Variants in WDR43 observed in about 807,000 individuals in gnomAD.
WDR43 encodes the protein WD repeat-containing protein 43.
WDR43 carries 13 observed loss-of-function variants against 91.4 expected under a neutral mutation model. That is an observed-to-expected ratio of 0.14 (90% confidence interval 0.09 to 0.23). The LOEUF (loss-of-function observed/expected upper bound fraction) is 0.23, where lower values mean the gene tolerates loss of function less well. WDR43 is among the 10% of genes least tolerant of loss of function. The pLI, the probability that WDR43 is intolerant of heterozygous loss-of-function variation, is 1.00. For missense variants in WDR43, 780 were observed against 809.4 expected (o/e 0.96, Z 0.44); for synonymous variants, 331 against 287.9 (o/e 1.15, Z -1.51).
intron 7 of WDR43, among the ~76,000 whole-genome samples, chr2:28,924,619 T>G (rs1424424214): frequency 6.6e-6 from 1 of 151,992 alleles, no homozygotes; most frequent in Non-Finnish European, 1.5e-5. Flanking sequence ...CTGAGGCTTT[T>G]GGGGGTTGGG....
chr2:28,921,241 C>T (rs1235232400), intron 6 of WDR43, among the ~76,000 whole-genome samples: 1 of 151,686 alleles, frequency 6.6e-6, no homozygotes, highest in East Asian at 1.9e-4. Flanking sequence ...GATTCTCCTG[C>T]CTCAGCCTCC....
chr2:28,932,259 G>T (rs1234707601), intron 11 of WDR43, among the ~76,000 whole-genome samples: 1 of 151,962 alleles, frequency 6.6e-6, no homozygotes, highest in East Asian at 1.9e-4. Context: ...TGCCTCCCAG[G>T]TTCAAGCGAT....
At position 28,920,643 on chromosome 2, in the gene WDR43, A is replaced by G. The variant is rs1050499859; in HGVS notation, c.850-2276A>G. On this transcript the variant is annotated intron_variant, in intron 6 of 17. Coordinates refer to ENST00000407426, the MANE Select transcript of WDR43 (RefSeq NM_015131.3). ...TTTCCTTGGAGTAGCAAAACTTGCC[A>G]CTAGTCTATGTAGAGAATAGACTGA... 2.6e-5 allele frequency among the ~76,000 whole-genome samples: 4 copies of G among 152,098 alleles called. No individual in the cohort carries two copies. In the East Asian group the frequency reaches 7.7e-4, roughly 29 times the overall value.
chr2:28,929,646 A>C lies in WDR43; in HGVS notation c.1373A>C (p.Gln458Pro), dbSNP rs755452345. The C allele has an allele frequency of 6.2e-7, 1 of 1,613,908 alleles. No homozygotes were observed. Among genetic ancestry groups the C allele is most frequent in the Non-Finnish European group, 8.5e-7 (1 of 1,179,814 alleles). The change falls in exon 11 of 18, where the codon CAG becomes CCG. Residue 458 changes from glutamine (Q) to proline (P), a missense_variant. Physicochemically the swap from Gln to Pro is moderately conservative, Grantham distance 76 (BLOSUM62 -1). Coordinates refer to ENST00000407426, the MANE Select transcript of WDR43 (RefSeq NM_015131.3). Reference protein sequence around the residue: ...DTHKKGKEDLQTNSFPVLLTQ... With the variant: ...DTHKKGKEDLPTNSFPVLLTQ... ...CACAAAAAAGGAAAGGAAGACCTCC[A>C]GACGAATAGCTTTCCAGTTCTTCTT...
In WDR43 at chr2:28,938,064, A is replaced by G. The variant is rs557911354; in HGVS notation, c.1620+70A>G. The G allele has an allele frequency of 1.1e-5, 17 of 1,517,970 alleles. No individual in the cohort carries two copies. Among genetic ancestry groups the G allele is most frequent in the Middle Eastern group, 1.7e-4 (1 of 5,862 alleles). The allele number at this position is 1,517,970 out of a possible 1,614,324, so 94.0% of individuals were successfully genotyped here. A position where few individuals can be genotyped will look rare whatever the true frequency, so the allele number is the denominator to read the frequency against. Reference sequence around the variant, plus strand: ...TTGATAAGGATTGTAAACTTTGACAAGTATGGCTGAACAAAACCATCCTTT... The same window carrying G: ...TTGATAAGGATTGTAAACTTTGACAGGTATGGCTGAACAAAACCATCCTTT... On this transcript the variant is annotated intron_variant, in intron 14 of 17. Transcript: ENST00000407426.
intron 16 of WDR43, among the ~76,000 whole-genome samples, chr2:28,942,726 C>A (rs1363132861): frequency 6.6e-6 from 1 of 151,486 alleles, no homozygotes; most frequent in East Asian, 1.9e-4. Context: ...TGCAATCTTC[C>A]TGTCTCAGCC....
At chr2:28,911,877 A>G (rs12053141) in intron 3 of WDR43, among the ~76,000 whole-genome samples, 40,347 of 148,270 alleles carry the variant, frequency 0.27, 6,525 homozygotes, top group East Asian at 0.78. Context: ...GCCCACCTCA[A>G]TCTCCCAAAG....
In WDR43 at chr2:28,914,060, T is replaced by C; in HGVS notation, c.607-9T>C. 2 of 1,611,044 alleles carry C rather than the reference T, an allele frequency of 1.2e-6. No homozygotes were observed. The highest frequency in any genetic ancestry group is 8.5e-7 in the Non-Finnish European group (1 of 1,178,072). On this transcript the variant is annotated splice_polypyrimidine_tract_variant and intron_variant, in intron 4 of 17. Transcript: ENST00000407426. Reference sequence around the variant, plus strand: ...TCTGCTCTCCTAACTGAGATTTAACTTTCTCTAGCATTTCACAGGACATGC... The same window carrying C: ...TCTGCTCTCCTAACTGAGATTTAACCTTCTCTAGCATTTCACAGGACATGC...
chr2:28,938,291 A>G (rs1671371545), intron 14 of WDR43, among the ~76,000 whole-genome samples: 1 of 152,194 alleles, frequency 6.6e-6, no homozygotes, highest in Non-Finnish European at 1.5e-5. Context: ...TAAGATTTAG[A>G]TGTGACACAC....
At chr2:28,907,027 G>A (rs115333716) in intron 3 of WDR43, among the ~76,000 whole-genome samples, 2,031 of 152,258 alleles carry the variant, frequency 0.013, 23 homozygotes, top group Middle Eastern at 0.027. Context: ...TCAGAGGAGG[G>A]ACATACTAGG....
chr2:28,900,741 A>T (rs1670563747), intron 1 of WDR43, among the ~76,000 whole-genome samples: 1 of 152,170 alleles, frequency 6.6e-6, no homozygotes, highest in South Asian at 2.1e-4. Flanking sequence ...TTTGGCTTTT[A>T]ATTGTAACTT....
chr2:28,901,674 G>A (rs893246694), intron 1 of WDR43, among the ~76,000 whole-genome samples: 3 of 152,086 alleles, frequency 2.0e-5, no homozygotes, highest in African/African-American at 7.2e-5. Context: ...CAGGAGGGGC[G>A]GCCTGTTTCT....
intron 14 of WDR43, 45 bp from the exon 15 acceptor site, chr2:28,941,416 A>G (rs755942235): frequency 3.4e-6 from 5 of 1,455,184 alleles, no homozygotes; most frequent in Middle Eastern, 3.5e-4. Context: ...CGTGTTCGTC[A>G]TCTCTAATAC....
chr2:28,939,999 C>T (rs543467387), intron 14 of WDR43, among the ~76,000 whole-genome samples: 23 of 149,288 alleles, frequency 1.5e-4, no homozygotes, highest in Non-Finnish European at 3.0e-4. Flanking sequence ...CCCAGCTACT[C>T]GGGAGGCTGA....
Position 28,914,201 on chromosome 2 carries a change from A to C in WDR43, c.739A>C (p.Asn247His). The change falls in exon 5 of 18, where the codon AAT (asparagine) becomes CAT (histidine). Residue 247 changes from asparagine to histidine, a missense_variant. Physicochemically the swap from Asn to His is moderately conservative, Grantham distance 68. This residue lies in a region of WDR43 where 174 missense variants were observed against 207.3 expected (regional missense o/e 0.84). Coordinates refer to ENST00000407426, the MANE Select transcript of WDR43 (RefSeq NM_015131.3). ...LSGAVHDRLL[N>H]VWQVRSENKE... ...TGGAGCAGTACATGACCGGTTACTTAATGTCTGGTATGTAGTTCTTTTGGA... is the reference window on the plus strand; with the variant it reads ...TGGAGCAGTACATGACCGGTTACTTCATGTCTGGTATGTAGTTCTTTTGGA... 1 of 1,612,836 alleles carries C rather than the reference A, an allele frequency of 6.2e-7. No individual in the cohort carries two copies. Among genetic ancestry groups the C allele is most frequent in the Non-Finnish European group, 8.5e-7 (1 of 1,179,538 alleles).
At chr2:28,906,435 T>A (rs1572581757) in intron 2 of WDR43, 25 bp from the exon 3 acceptor site, 9 of 103,290 alleles carry the variant, frequency 8.7e-5, no homozygotes, top group South Asian at 3.0e-4. Context: ...CAGCCTTAAA[T>A]TTTTTTTTTT....
intron 11 of WDR43, among the ~76,000 whole-genome samples, chr2:28,934,467 C>T (rs972607662): frequency 2.0e-5 from 3 of 152,188 alleles, no homozygotes; most frequent in Non-Finnish European, 4.4e-5. Context: ...ATCTTGTCTT[C>T]AACACCACCT....
chr2:28,934,599 T>C (rs937571552), intron 11 of WDR43, among the ~76,000 whole-genome samples: 4 of 152,218 alleles, frequency 2.6e-5, no homozygotes, highest in African/African-American at 9.6e-5. Context: ...CGTATTTTTA[T>C]TTGCTGATTT....
Position 28,921,131 on chromosome 2 carries a change from ATT to A in WDR43, c.850-1774_850-1773del, listed in dbSNP as rs35903168. ...AAGGGAGCAGAACTTTTTAAAAAAA[ATT>A]TTTTTTTTTTTTTGAGACGGAGTCT... is the stretch of plus-strand genomic sequence containing the variant. On this transcript the variant is annotated intron_variant, in intron 6 of 17. Coordinates refer to ENST00000407426, the MANE Select transcript of WDR43 (RefSeq NM_015131.3). Among the ~76,000 whole-genome samples the A allele has an allele frequency of 2.7e-3, 396 of 147,736 alleles. 2 individuals carry two copies. Among genetic ancestry groups the A allele is most frequent in the African/African-American group, 8.7e-3 (351 of 40,364 alleles).
Sources: allele counts gnomAD v4.1 joint callset (sites outside exome capture counted in the v4.1 genomes callset), GRCh38; gene constraint gnomAD v4.1.1; regional missense constraint gnomAD v4.1.1; transcripts MANE v1.5; gene names NCBI Gene and HGNC (gene_info 2026-07-23, HGNC 2026-07-21).